PCSK5: variants seen among roughly 807,000 people sequenced by gnomAD.
The protein encoded by PCSK5 is proprotein convertase subtilisin/kexin type 5, also known as prohormone convertase 5.
PCSK5 carries 129 observed loss-of-function variants against 233.2 expected under a neutral mutation model. That is an observed-to-expected ratio of 0.55 (90% CI 0.48 to 0.64). The LOEUF (loss-of-function observed/expected upper bound fraction) is 0.64, where lower values mean the gene tolerates loss of function less well. Among genes scored for constraint, PCSK5 ranks in the 30% least tolerant of loss-of-function variants. PCSK5 has a pLI of 0.00. For missense variants in PCSK5, 2,076 were observed against 2,430.1 expected, an observed-to-expected ratio of 0.85 and a Z score of 3.06; for synonymous variants, 825 against 879.2, an observed-to-expected ratio of 0.94 and a Z score of 1.09.
chr9:76,187,465 A>G (rs754285786), intron 17 of PCSK5, among the ~76,000 whole-genome samples: 2 of 152,072 alleles, frequency 1.3e-5, no homozygotes, highest in Non-Finnish European at 2.9e-5. Flanking sequence ...GGGCTCAAGC[A>G]ATCCTCTGGC....
intron 24 of PCSK5, among the ~76,000 whole-genome samples, chr9:76,263,180 G>A (rs1827232434): frequency 6.6e-6 from 1 of 152,022 alleles, no homozygotes; most frequent in African/African-American, 2.4e-5. Flanking sequence ...ACTGTTGGTG[G>A]GACTGTAAAC....
intron 23 of PCSK5, 29 bp from the exon 24 acceptor site, chr9:76,240,587 T>C (rs757452659): frequency 4.8e-6 from 7 of 1,470,474 alleles, no homozygotes; most frequent in Admixed American, 3.9e-5. Flanking sequence ...TGGAAATGAG[T>C]TGTGTTTTTC....
intron 1 of PCSK5, among the ~76,000 whole-genome samples, chr9:75,926,548 ATCAAAAT>A (rs1247967610): frequency 2.6e-5 from 4 of 152,182 alleles, no homozygotes; most frequent in African/African-American, 9.7e-5. Context: ...GATTACCATA[ATCAAAAT>A]GCAAAACATT....
intron 22 of PCSK5, 72 bp from the exon 23 acceptor site, chr9:76,238,887 T>C: frequency 9.0e-7 from 1 of 1,105,572 alleles, no homozygotes; most frequent in Non-Finnish European, 1.3e-6. Flanking sequence ...AAATATAATA[T>C]CTTACATTAT....
At chr9:76,013,994 C>T (rs758408648) in intron 3 of PCSK5, among the ~76,000 whole-genome samples, 14 of 150,934 alleles carry the variant, frequency 9.3e-5, no homozygotes, top group African/African-American at 1.5e-4. Context: ...AACTGAAGTC[C>T]GTTGGTTGTG....
At chr9:76,175,997 T>C (rs1348875238) in intron 14 of PCSK5, among the ~76,000 whole-genome samples, 2 of 146,144 alleles carry the variant, frequency 1.4e-5, no homozygotes, top group African/African-American at 5.2e-5. Flanking sequence ...CTGTTAAGTT[T>C]TGTTTTGGTT....
chr9:76,020,734 G>A (rs533409677), intron 3 of PCSK5, among the ~76,000 whole-genome samples: 9 of 152,250 alleles, frequency 5.9e-5, no homozygotes, highest in Admixed American at 1.3e-4. Flanking sequence ...TTCCGTAGAC[G>A]GCTGGTTTTC....
chr9:76,082,108 G>A (rs970258593), intron 7 of PCSK5, among the ~76,000 whole-genome samples: 1 of 152,008 alleles, frequency 6.6e-6, no homozygotes, highest in Non-Finnish European at 1.5e-5. Flanking sequence ...GGGCATATAG[G>A]TTCTCTCACA....
chr9:76,110,609 T>A (rs1314798893), intron 9 of PCSK5, among the ~76,000 whole-genome samples: 4 of 151,952 alleles, frequency 2.6e-5, no homozygotes, highest in Admixed American at 6.6e-5. Flanking sequence ...GGCAGGAGGA[T>A]CCCTTGAGCC....
chr9:76,349,138 G>A (rs1308781887), intron 35 of PCSK5, among the ~76,000 whole-genome samples: 3 of 151,814 alleles, frequency 2.0e-5, no homozygotes, highest in Non-Finnish European at 4.4e-5. Flanking sequence ...GCTGGGCGTG[G>A]TGGCGGGCTC....
chr9:76,193,401 T>C (rs1564097707), intron 20 of PCSK5: 5 of 1,168,340 alleles, frequency 4.3e-6, no homozygotes, highest in East Asian at 3.2e-5. Flanking sequence ...GATTATTCCA[T>C]ATTATTAAAA....
intron 2 of PCSK5, among the ~76,000 whole-genome samples, chr9:75,953,774 C>T (rs1384210735): frequency 6.6e-6 from 1 of 151,844 alleles, no homozygotes; most frequent in African/African-American, 2.4e-5. Context: ...TATCAAATTC[C>T]CACACTTTTG....
At chr9:76,020,231 T>C (rs568767018) in intron 3 of PCSK5, among the ~76,000 whole-genome samples, 3 of 152,190 alleles carry the variant, frequency 2.0e-5, no homozygotes, top group African/African-American at 7.2e-5. Flanking sequence ...GTCAAATAAA[T>C]AGGGCCTAGT....
intron 20 of PCSK5, among the ~76,000 whole-genome samples, chr9:76,221,518 T>C (rs1473637251): frequency 1.3e-5 from 2 of 152,008 alleles, no homozygotes; most frequent in Non-Finnish European, 2.9e-5. Flanking sequence ...ATAAAAGAGG[T>C]TTTTGTCTGG....
chr9:75,911,454 A>G (rs1822735418), intron 1 of PCSK5, among the ~76,000 whole-genome samples: 1 of 152,010 alleles, frequency 6.6e-6, no homozygotes, highest in Non-Finnish European at 1.5e-5. Context: ...CAGTGCCCAC[A>G]CTATGCTGAG....
At position 76,065,477 on chromosome 9, in the gene PCSK5, A is replaced by G. The variant is rs545012677; in HGVS notation, c.633-2478A>G. On this transcript the variant is annotated intron_variant, in intron 5 of 37. Transcript: ENST00000674117. ...ATATGTCTTCTTTTGTGAAATGTGT[A>G]TTCAAATCATTTGTCCATTTTAAAA... 4.6e-5 allele frequency among the ~76,000 whole-genome samples: 7 copies of G among 152,224 alleles called. No homozygotes were observed. The East Asian group carries it at 5.8e-4, about 13-fold the overall frequency.
chr9:76,059,334 C>A (rs1414637085), intron 5 of PCSK5, among the ~76,000 whole-genome samples: 5 of 152,144 alleles, frequency 3.3e-5, no homozygotes, highest in African/African-American at 9.7e-5. Flanking sequence ...ATGGTAGTTT[C>A]TTTTGCTGTG....
chr9:76,338,189 C>A, intron 34 of PCSK5, 41 bp from the exon 35 acceptor site: 1 of 1,450,626 alleles, frequency 6.9e-7, no homozygotes. Flanking sequence ...AATTTAGGAG[C>A]AAAGCTTACT....
At chr9:76,157,729 G>A (rs1338080820) in intron 11 of PCSK5, among the ~76,000 whole-genome samples, 2 of 149,334 alleles carry the variant, frequency 1.3e-5, no homozygotes, top group Non-Finnish European at 2.9e-5. Flanking sequence ...GGTTGATGAT[G>A]AAACTAGAGA....
Sources: allele counts gnomAD v4.1 joint callset (sites outside exome capture counted in the v4.1 genomes callset), GRCh38; gene constraint gnomAD v4.1.1; transcripts MANE v1.5; gene names NCBI Gene and HGNC (gene_info 2026-07-23, HGNC 2026-07-21).